The following HKDC1 variants were observed in gnomAD, a reference collection of about 807,000 sequenced individuals.
HKDC1 encodes the protein hexokinase domain containing 1.
HKDC1 carries 66 observed loss-of-function variants against 96.6 expected under a neutral mutation model. The ratio of observed to expected loss-of-function variants is 0.68; its 90% CI spans 0.56 to 0.84. The LOEUF (loss-of-function observed/expected upper bound fraction) is 0.84. HKDC1 is among the 40% of genes least tolerant of loss of function. The pLI is 0.00. For synonymous variants in HKDC1, 466 were observed against 473.1 expected, an observed-to-expected ratio of 0.98 and a Z score of 0.20; for missense variants, 1,211 against 1,208.1, an observed-to-expected ratio of 1.00 and a Z score of -0.04.
At chr10:69,245,975 C>A in intron 7 of HKDC1, 104 bp from the exon 8 acceptor site, 3 of 1,408,516 alleles carry the variant, frequency 2.1e-6, no homozygotes, top group Non-Finnish European at 2.9e-6. Context: ...TAGCTCAGCC[C>A]TCTCCCATGT....
intron 14 of HKDC1, among the ~76,000 whole-genome samples, chr10:69,258,139 G>A (rs1183871632): frequency 6.6e-6 from 1 of 152,196 alleles, no homozygotes; most frequent in Non-Finnish European, 1.5e-5. Context: ...CAGGTAAGAG[G>A]TTTCCTCTCA....
At chr10:69,222,157 G>C (rs992017416) in intron 1 of HKDC1, among the ~76,000 whole-genome samples, 5 of 151,984 alleles carry the variant, frequency 3.3e-5, no homozygotes, top group Admixed American at 3.3e-4. Context: ...GGGCAGCAGA[G>C]GTTACAGTGA....
In HKDC1 at chr10:69,258,780, A is replaced by C; in HGVS notation, c.2037A>C (p.Thr679=). 1 of 1,614,176 alleles carries C rather than the reference A, an allele frequency of 6.2e-7. No homozygotes were observed. Among genetic ancestry groups the C allele is most frequent in the South Asian group, 1.1e-5 (1 of 91,082 alleles). ...TTCCTTCACAATTCCTTCTAGGAAC[A>C]GGCAGCAACATGTGCTACATGGAGG... ...PNCEIGLIAG[T]GSNMCYMEDM... is the part of the protein sequence containing the mutation. The change falls in exon 15 of 18, where the codon ACA becomes ACC. Residue 679 remains threonine, a synonymous_variant. Transcript: ENST00000354624.
chr10:69,223,285 T>C (rs1050851560), intron 1 of HKDC1: 1 of 152,214 alleles, frequency 6.6e-6, no homozygotes, highest in African/African-American at 2.4e-5. Flanking sequence ...TTTAATTTAC[T>C]TTTAATCTCA....
At chr10:69,260,855 CA>C in intron 15 of HKDC1, among the ~76,000 whole-genome samples, 1 of 152,304 alleles carries the variant, frequency 6.6e-6, no homozygotes, top group South Asian at 2.1e-4. Flanking sequence ...ATTTGTAGCA[CA>C]AAGCCAAGGA....
Position 69,256,112 on chromosome 10 carries a change from G to A in HKDC1, c.1837-924G>A, listed in dbSNP as rs534895448. 2.6e-5 allele frequency among the ~76,000 whole-genome samples: 4 copies of A among 152,226 alleles called. 1 individual carries two copies. The highest frequency in any genetic ancestry group is 9.6e-5 in the African/African-American group (4 of 41,532). ...TTATTCCAGTCCTTTCTCCAAGTGC[G>A]AGTGTATATGTGTGTATGAGTGTAA... On this transcript the variant is annotated intron_variant, in intron 12 of 17. Coordinates refer to ENST00000354624, the MANE Select transcript of HKDC1 (RefSeq NM_025130.4).
At chr10:69,220,563 T>TAA in intron 1 of HKDC1, 65 bp downstream of exon 1, 34 of 1,082,888 alleles carry the variant, frequency 3.1e-5, no homozygotes, top group Middle Eastern at 2.2e-4. Flanking sequence ...CTGATTCCCT[T>TAA]AAAAAAAAAA....
chr10:69,243,421 C>G (rs1365891858), intron 7 of HKDC1, 56 bp downstream of exon 7: 4 of 1,435,580 alleles, frequency 2.8e-6, no homozygotes, highest in African/African-American at 2.9e-5. Flanking sequence ...CCTAATCACT[C>G]AGGTCCCCTG....
intron 16 of HKDC1, chr10:69,262,061 G>A (rs752324956): frequency 2.3e-6 from 1 of 427,062 alleles, no homozygotes; most frequent in South Asian, 1.7e-5. Flanking sequence ...CTTTTAGGAT[G>A]TTATCAGTCA....
rs186120065 is a variant in HKDC1 at position 69,251,793 on chromosome 10, T to G, written c.1836+1141T>G. Among the ~76,000 whole-genome samples, 6 of 151,008 alleles carry G rather than the reference T, an allele frequency of 4.0e-5. No individual in the cohort carries two copies. In the Admixed American group the frequency reaches 4.0e-4, roughly 10 times the overall value. On this transcript the variant is annotated intron_variant, in intron 12 of 17. Coordinates refer to ENST00000354624, the MANE Select transcript of HKDC1 (RefSeq NM_025130.4). ...TTTTTTTTTTGAGACAGAGTCTCAC[T>G]CTGTTACTCAGGCTGGAGTACACTG...
At chr10:69,230,770 C>T (rs1843244815) in intron 2 of HKDC1, among the ~76,000 whole-genome samples, 1 of 152,184 alleles carries the variant, frequency 6.6e-6, no homozygotes, top group African/African-American at 2.4e-5. Flanking sequence ...CATGCCACTA[C>T]GCCCAACTGA....
At position 69,258,892 on chromosome 10, in the gene HKDC1, A is replaced by G. The variant is rs1413465327; in HGVS notation, c.2149A>G (p.Ile717Val). Residue 717 changes from isoleucine to valine, a missense_variant, in exon 15 of 18, where the codon ATA becomes GTA. Transcript: ENST00000354624. ...EWGGFGDNGC[I>V]DDIWTRYDTE... ...GGGAGGATTTGGAGACAATGGCTGCATAGATGACATCTGGACCCGATACGA... is the reference window on the plus strand; with the variant it reads ...GGGAGGATTTGGAGACAATGGCTGCGTAGATGACATCTGGACCCGATACGA... 2 of 1,612,114 alleles carry G rather than the reference A, an allele frequency of 1.2e-6. No individual in the cohort carries two copies. The highest frequency in any genetic ancestry group is 2.2e-5 in the East Asian group (1 of 44,878).
In HKDC1 at chr10:69,232,751, TG is replaced by T. The variant is rs1338435311; in HGVS notation, c.227-12del. 6.2e-7 allele frequency: 1 copy of T among 1,613,450 alleles called. No homozygotes were observed. The highest frequency in any genetic ancestry group is 2.2e-5 in the East Asian group (1 of 44,906). On this transcript the variant is annotated splice_polypyrimidine_tract_variant and intron_variant, in intron 2 of 17. Transcript: ENST00000354624. Reference sequence around the variant, plus strand: ...ACCCTCAATAAATGGAAACTGAATTTGTTTCTTAATAGAAAATGGGGAGTTC... The same window carrying T: ...ACCCTCAATAAATGGAAACTGAATTTTTTCTTAATAGAAAATGGGGAGTTC...
In HKDC1 at chr10:69,246,772, C is replaced by T. The variant is rs186019642; in HGVS notation, c.1031+538C>T. Among the ~76,000 whole-genome samples the T allele has an allele frequency of 1.9e-4, 29 of 152,324 alleles. No homozygotes were observed. The East Asian group carries it at 5.6e-3, about 29-fold the overall frequency. On this transcript the variant is annotated intron_variant, in intron 8 of 17. Transcript: ENST00000354624. ...GGCTGGTGAAGGCTGCAGGTGACGG[C>T]GGCTGGCCCCGGTGTGACTGCATTG...
intron 16 of HKDC1, among the ~76,000 whole-genome samples, chr10:69,262,764 T>C (rs755177519): frequency 5.1e-4 from 78 of 152,158 alleles, no homozygotes; most frequent in Non-Finnish European, 1.0e-3. Flanking sequence ...TTAGCAAGTG[T>C]TCAGCATCCT....
In HKDC1 at chr10:69,250,601, A is replaced by G. The variant is rs1843626395; in HGVS notation, c.1785A>G (p.Leu595=). The G allele has an allele frequency of 2.5e-6, 4 of 1,613,912 alleles. No homozygotes were observed. Among genetic ancestry groups the G allele is most frequent in the Middle Eastern group, 1.6e-4 (1 of 6,062 alleles). The change falls in exon 12 of 18, where the codon CTA becomes CTG. Residue 595 remains leucine (L), a synonymous_variant. Coordinates refer to ENST00000354624, the MANE Select transcript of HKDC1 (RefSeq NM_025130.4). ...LDYMGLKGAS[L]PLGFTFSFPC... The stretch of plus-strand genomic sequence containing the variant: ...ACATGGGCCTCAAGGGAGCCTCCCT[A>G]CCTTTGGGCTTCACATTCTCATTTC...
At chr10:69,243,455 G>A in intron 7 of HKDC1, 90 bp downstream of exon 7, 1 of 1,077,156 alleles carries the variant, frequency 9.3e-7, no homozygotes, top group Non-Finnish European at 1.3e-6. Flanking sequence ...CTTTCCAGTT[G>A]TGACTAGCTA....
Position 69,266,625 on chromosome 10 carries a change from G to A in HKDC1, c.2622G>A (p.Leu874=). The A allele has an allele frequency of 6.2e-7, 1 of 1,613,988 alleles. No individual in the cohort carries two copies. The highest frequency in any genetic ancestry group is 8.5e-7 in the Non-Finnish European group (1 of 1,179,942). Residue 874 remains leucine, a synonymous_variant, in exon 18 of 18, where the codon TTG becomes TTA. Coordinates refer to ENST00000354624, the MANE Select transcript of HKDC1 (RefSeq NM_025130.4). ...TTTTTCATAGCTTTTCTAGAATATT[G>A]CAGGAAACTGTGAAGGAACTAGCCC... The part of the protein sequence containing the change: ...YKLHPHFSRI[L]QETVKELAPR...
At position 69,246,068 on chromosome 10, in the gene HKDC1, C is replaced by A; in HGVS notation, c.876-11C>A. ...GGGGCTGCGTCCACAGATCTGTTCA[C>A]CAACCTGCAGGTTCGAGAAGATGAT... On this transcript the variant is annotated splice_polypyrimidine_tract_variant and intron_variant, in intron 7 of 17. Transcript: ENST00000354624. The A allele has an allele frequency of 6.2e-7, 1 of 1,613,762 alleles. No individual in the cohort carries two copies. Among genetic ancestry groups the A allele is most frequent in the Non-Finnish European group, 8.5e-7 (1 of 1,179,646 alleles).
Sources: allele counts gnomAD v4.1 joint callset (sites outside exome capture counted in the v4.1 genomes callset), GRCh38; gene constraint gnomAD v4.1.1; transcripts MANE v1.5; gene names NCBI Gene and HGNC (gene_info 2026-07-23, HGNC 2026-07-21).